DENND5B: variants seen among roughly 807,000 people sequenced by gnomAD.
The protein encoded by DENND5B is DENN domain containing 5B.
In DENND5B, 34 loss-of-function variants were observed where a neutral mutation model predicts 140.6. The ratio of observed to expected loss-of-function variants is 0.24; its 90% confidence interval spans 0.18 to 0.32. The LOEUF is 0.32. DENND5B is among the 10% of genes least tolerant of loss of function. The pLI is 1.00. For synonymous variants in DENND5B, 551 were observed against 562.1 expected, an observed-to-expected ratio of 0.98 and a Z score of 0.28; for missense variants, 1,142 against 1,560.2, an observed-to-expected ratio of 0.73 and a Z score of 4.52.
intron 1 of DENND5B, among the ~76,000 whole-genome samples, chr12:31,539,599 T>C (rs1209566423): frequency 6.6e-6 from 1 of 152,108 alleles, no homozygotes; most frequent in Non-Finnish European, 1.5e-5. Flanking sequence ...ATCTGATATA[T>C]CATCATATCA....
chr12:31,447,890 G>A lies in DENND5B; in HGVS notation c.1630-121C>T, dbSNP rs1455062332. 2.1e-5 allele frequency: 16 copies of A among 752,532 alleles called. No individual in the cohort carries two copies. The East Asian group carries it at 4.1e-4, about 19-fold the overall frequency. 46.6% of individuals were successfully genotyped at this position (752,532 alleles called of 1,614,324 possible). ...TTTAAATCTTATAAAACTGACACTTGAAATTCAAAAATCCTTAAAAATCCA... is the reference window on the plus strand; with the variant it reads ...TTTAAATCTTATAAAACTGACACTTAAAATTCAAAAATCCTTAAAAATCCA... On this transcript the variant is annotated intron_variant, in intron 5 of 20. Transcript: ENST00000389082.
intron 2 of DENND5B, among the ~76,000 whole-genome samples, chr12:31,486,507 T>C (rs1946315064): frequency 6.6e-6 from 1 of 152,254 alleles, no homozygotes; most frequent in African/African-American, 2.4e-5. Context: ...GATCTGTAAA[T>C]AGTTTCACTG....
At chr12:31,502,942 G>A (rs1947067943) in intron 1 of DENND5B, among the ~76,000 whole-genome samples, 1 of 152,168 alleles carries the variant, frequency 6.6e-6, no homozygotes, top group East Asian at 1.9e-4. Flanking sequence ...AACAGCCAGG[G>A]CTGTGAACTG....
chr12:31,422,233 C>T (rs1056244477), intron 11 of DENND5B, among the ~76,000 whole-genome samples: 7 of 144,154 alleles, frequency 4.9e-5, no homozygotes, highest in Non-Finnish European at 7.5e-5. Flanking sequence ...TCCTGGCTAA[C>T]ACAGTGAAAC....
chr12:31,472,592 T>C (rs1035787145), intron 3 of DENND5B, among the ~76,000 whole-genome samples: 10 of 151,966 alleles, frequency 6.6e-5, no homozygotes, highest in Admixed American at 6.6e-4. Flanking sequence ...GCACCCAGCC[T>C]GAAATGAAAG....
intron 1 of DENND5B, among the ~76,000 whole-genome samples, chr12:31,567,520 C>CT (rs1949673024): frequency 1.2e-5 from 1 of 80,268 alleles, no homozygotes; most frequent in Non-Finnish European, 2.2e-5. Flanking sequence ...GAGCAAGACT[C>CT]TGTCTAAAAA....
intron 3 of DENND5B, among the ~76,000 whole-genome samples, chr12:31,463,172 T>C (rs1410097150): frequency 2.6e-5 from 4 of 151,990 alleles, no homozygotes; most frequent in African/African-American, 9.7e-5. Context: ...GGTACAAGAA[T>C]CACTTGAACC....
chr12:31,541,207 T>C (rs1948672894), intron 1 of DENND5B, among the ~76,000 whole-genome samples: 1 of 151,970 alleles, frequency 6.6e-6, no homozygotes, highest in African/African-American at 2.4e-5. Flanking sequence ...AATGGACAAA[T>C]GGGATCACAT....
chr12:31,545,950 C>CAAAAAAAAAAAAAAAA (rs57460264), intron 1 of DENND5B, among the ~76,000 whole-genome samples: 951 of 36,334 alleles, frequency 0.026, 141 homozygotes, highest in Non-Finnish European at 0.036. Context: ...GACACTGTCT[C>CAAAAAAAAAAAAAAAA]AAAAAAAAAA....
chr12:31,426,400 A>C lies in DENND5B; in HGVS notation c.2131T>G (p.Leu711Val). Residue 711 changes from leucine (L) to valine (V), a missense_variant, in exon 9 of 21, where the codon TTA (leucine) becomes GTA (valine). By Grantham distance (32) the Leu-to-Val change is conservative (BLOSUM62 1). Transcript: ENST00000389082. ...TTGGGTTGCCTCAGGTTTTTTCCTA[A>C]ACTTCGTGCCTCTTGCATATATTTC... The part of the protein sequence containing the change: ...REKYMQEARS[L>V]GKNLRQPKLS... 1 of 1,612,304 alleles carries C rather than the reference A, an allele frequency of 6.2e-7. No individual in the cohort carries two copies. The highest frequency in any genetic ancestry group is 1.3e-5 in the African/African-American group (1 of 75,016).
rs145797268 is a variant in DENND5B at position 31,466,463 on chromosome 12, C to T, written c.905-6082G>A. On this transcript the variant is annotated intron_variant, in intron 3 of 20. Transcript: ENST00000389082. ...ATCCCAGCACTCTGGGAGGCCACGG[C>T]GCGTGGATCACTTGAGGTTAGGAGT... Among the ~76,000 whole-genome samples the T allele has an allele frequency of 6.9e-3, 1,054 of 152,020 alleles. 15 individuals carry two copies. Among genetic ancestry groups the T allele is most frequent in the African/African-American group, 0.024 (1,004 of 41,480 alleles).
At position 31,584,420 on chromosome 12, in the gene DENND5B, T is replaced by C. The variant is rs1950319709; in HGVS notation, c.127+6286A>G. On this transcript the variant is annotated intron_variant, in intron 1 of 20. Transcript: ENST00000389082. ...CCAATTTCACTATAAAGAGTTTTATTTCCAGTAGATTTCCAAAATTAAATG... is the reference window on the plus strand; with the variant it reads ...CCAATTTCACTATAAAGAGTTTTATCTCCAGTAGATTTCCAAAATTAAATG... 2.6e-5 allele frequency among the ~76,000 whole-genome samples: 4 copies of C among 152,356 alleles called. No homozygotes were observed. In the South Asian group the frequency reaches 6.2e-4, roughly 24 times the overall value.
intron 1 of DENND5B, among the ~76,000 whole-genome samples, chr12:31,519,047 T>A (rs1947785165): frequency 6.6e-6 from 1 of 152,210 alleles, no homozygotes; most frequent in African/African-American, 2.4e-5. Flanking sequence ...AAGACTTTTG[T>A]TCATGAGAGT....
intron 1 of DENND5B, among the ~76,000 whole-genome samples, chr12:31,564,369 G>A (rs1949563842): frequency 6.6e-6 from 1 of 151,940 alleles, no homozygotes; most frequent in Admixed American, 6.6e-5. Flanking sequence ...GTAAGAGTAT[G>A]TGAGGATCTA....
chr12:31,401,001 C>T (rs1941767891), intron 15 of DENND5B, among the ~76,000 whole-genome samples: 1 of 152,102 alleles, frequency 6.6e-6, no homozygotes, highest in African/African-American at 2.4e-5. Flanking sequence ...TGCCACCATG[C>T]CCGGCTAATT....
chr12:31,433,671 ATTAC>A (rs1824753011), intron 7 of DENND5B, among the ~76,000 whole-genome samples: 1 of 152,206 alleles, frequency 6.6e-6, no homozygotes, highest in African/African-American at 2.4e-5. Flanking sequence ...ATAATTTAGA[ATTAC>A]TTAATTCTAG....
intron 1 of DENND5B, among the ~76,000 whole-genome samples, chr12:31,583,805 C>T (rs1950297948): frequency 6.6e-6 from 1 of 152,206 alleles, no homozygotes; most frequent in Admixed American, 6.5e-5. Flanking sequence ...TCTTATAGGA[C>T]AGTGGCCACC....
intron 8 of DENND5B, among the ~76,000 whole-genome samples, chr12:31,428,610 C>A (rs1267525345): frequency 6.6e-6 from 1 of 151,914 alleles, no homozygotes; most frequent in East Asian, 2.0e-4. Flanking sequence ...CTCTGTCACC[C>A]AGGCTGGAGT....
intron 5 of DENND5B, among the ~76,000 whole-genome samples, chr12:31,450,418 G>T (rs1370411670): frequency 6.6e-6 from 1 of 152,138 alleles, no homozygotes; most frequent in Non-Finnish European, 1.5e-5. Context: ...GGAGTGCAGT[G>T]GCATCATCTT....
Sources: allele counts gnomAD v4.1 joint callset (sites outside exome capture counted in the v4.1 genomes callset), GRCh38; gene constraint gnomAD v4.1.1; transcripts MANE v1.5; gene names NCBI Gene and HGNC (gene_info 2026-07-23, HGNC 2026-07-21).